The following PTPRK variants were observed in gnomAD, a reference collection of about 807,000 sequenced individuals.
PTPRK encodes the protein protein tyrosine phosphatase receptor type K.
A neutral mutation model predicts 178.0 loss-of-function variants in PTPRK; 75 were observed. That is an observed-to-expected ratio of 0.42 (90% CI 0.35 to 0.51). The LOEUF (loss-of-function observed/expected upper bound fraction) is 0.51, where lower values mean the gene tolerates loss of function less well. Ranked by LOEUF, PTPRK falls within the 20% of genes least tolerant of loss-of-function variation. The probability of loss-of-function intolerance (pLI) is 0.02; values close to 1 mark genes in which losing one functional copy is unlikely to be tolerated. For missense variants in PTPRK, 1,441 were observed against 1,797.8 expected (o/e 0.80, Z 3.59); for synonymous variants, 637 against 620.6 (o/e 1.03, Z -0.39).
chr6:128,261,260 A>C (rs1818133511), intron 3 of PTPRK, among the ~76,000 whole-genome samples: 1 of 152,202 alleles, frequency 6.6e-6, no homozygotes, highest in Non-Finnish European at 1.5e-5. Flanking sequence ...GTAAAAGCAG[A>C]AATCAATACT....
At chr6:128,080,249 C>A (rs937611054) in intron 10 of PTPRK, among the ~76,000 whole-genome samples, 1 of 151,932 alleles carries the variant, frequency 6.6e-6, no homozygotes, top group East Asian at 1.9e-4. Context: ...GTGCCGGGAA[C>A]TTTGGGCTCA....
At chr6:128,431,738 C>G (rs1251968684) in intron 1 of PTPRK, among the ~76,000 whole-genome samples, 4 of 152,098 alleles carry the variant, frequency 2.6e-5, no homozygotes, top group Non-Finnish European at 5.9e-5. Context: ...TAAGCGCATC[C>G]AACGCAATAA....
At chr6:128,235,738 T>C (rs562942133) in intron 5 of PTPRK, 8 of 347,682 alleles carry the variant, frequency 2.3e-5, no homozygotes, top group South Asian at 1.6e-4. Flanking sequence ...ATCCCAACCA[T>C]CAAAATCGTC....
At chr6:128,382,878 T>C (rs1584459201) in intron 2 of PTPRK, among the ~76,000 whole-genome samples, 1 of 152,338 alleles carries the variant, frequency 6.6e-6, no homozygotes, top group Middle Eastern at 3.4e-3. Context: ...TTTGTACCAC[T>C]GCTACTGGTT....
chr6:128,499,504 T>C (rs572466207), intron 1 of PTPRK, among the ~76,000 whole-genome samples: 31 of 152,356 alleles, frequency 2.0e-4, no homozygotes, highest in African/African-American at 7.2e-4. Context: ...ACAGGCTATA[T>C]AAGTTAAATT....
chr6:128,296,132 C>G lies in PTPRK; in HGVS notation c.495+25907G>C, dbSNP rs148760015. The stretch of plus-strand genomic sequence containing the variant: ...CCCTCCCTGTCTTAACCTCCTTCTC[C>G]TCTTTCTCCTCTCCCCTTCTTGCTC... On this transcript the variant is annotated intron_variant, in intron 3 of 29. Coordinates refer to ENST00000368226, the MANE Select transcript of PTPRK (RefSeq NM_002844.4). Among the ~76,000 whole-genome samples, 1,409 of 152,176 alleles carry G rather than the reference C, an allele frequency of 9.3e-3. 6 individuals carry two copies. Among genetic ancestry groups the G allele is most frequent in the Middle Eastern group, 0.027 (8 of 294 alleles).
chr6:128,486,133 A>G (rs935954575), intron 1 of PTPRK, among the ~76,000 whole-genome samples: 15 of 152,196 alleles, frequency 9.9e-5, no homozygotes, highest in Non-Finnish European at 1.6e-4. Flanking sequence ...CCAAAAATGC[A>G]CAAAATTCTG....
intron 1 of PTPRK, among the ~76,000 whole-genome samples, chr6:128,450,025 T>G (rs977010028): frequency 6.6e-6 from 1 of 151,546 alleles, no homozygotes; most frequent in African/African-American, 2.4e-5. Flanking sequence ...CCAGAATCAC[T>G]TGAACCCAGG....
chr6:128,465,989 A>G (rs570689015), intron 1 of PTPRK, among the ~76,000 whole-genome samples: 5 of 152,196 alleles, frequency 3.3e-5, no homozygotes, highest in Non-Finnish European at 7.3e-5. Context: ...AAATTTCAAG[A>G]CAGTAATAAC....
At chr6:128,250,125 G>C (rs1816222652) in intron 3 of PTPRK, among the ~76,000 whole-genome samples, 1 of 152,142 alleles carries the variant, frequency 6.6e-6, no homozygotes, top group Admixed American at 6.5e-5. Flanking sequence ...CTTCCACCAT[G>C]ATTATGAGGC....
At chr6:128,157,659 T>G (rs920777574) in intron 7 of PTPRK, among the ~76,000 whole-genome samples, 15 of 151,910 alleles carry the variant, frequency 9.9e-5, no homozygotes, top group African/African-American at 2.4e-4. Flanking sequence ...GTATCTCATT[T>G]TGGTTTTGAT....
chr6:128,080,971 C>T (rs1000013842), intron 10 of PTPRK, among the ~76,000 whole-genome samples: 94 of 151,928 alleles, frequency 6.2e-4, no homozygotes, highest in African/African-American at 2.2e-3. Flanking sequence ...TTTTTATAAA[C>T]TTTATGTTCA....
At chr6:128,199,720 A>ACAT (rs1223757778) in intron 6 of PTPRK, among the ~76,000 whole-genome samples, 5 of 152,170 alleles carry the variant, frequency 3.3e-5, no homozygotes, top group Non-Finnish European at 7.3e-5. Flanking sequence ...CCTGAGATTT[A>ACAT]ACATTTAAAG....
rs975350440 is a variant in PTPRK, at chr6:128,031,301, G to A, written c.2195-22033C>T. Among the ~76,000 whole-genome samples the A allele has an allele frequency of 5.3e-5, 8 of 152,108 alleles. No homozygotes were observed. In the East Asian group the frequency reaches 5.8e-4, roughly 11 times the overall value. ...CTGCTTTGTAGAACCCAGGTCATCC[G>A]ACACCAAGCTTGGTACATTTTCTTT... is the stretch of plus-strand genomic sequence containing the variant. On this transcript the variant is annotated intron_variant, in intron 13 of 29. Transcript: ENST00000368226.
chr6:128,322,975 T>C (rs569420849), intron 2 of PTPRK, among the ~76,000 whole-genome samples: 2 of 152,184 alleles, frequency 1.3e-5, no homozygotes, highest in South Asian at 2.1e-4. Flanking sequence ...ATTTCCCCAC[T>C]TGGAGTCTCA....
Position 128,171,611 on chromosome 6 carries a change from A to G in PTPRK, c.1162+12821T>C, listed in dbSNP as rs1303750001. 2.6e-5 allele frequency among the ~76,000 whole-genome samples: 4 copies of G among 152,110 alleles called. No homozygotes were observed. In the East Asian group the frequency reaches 7.7e-4, roughly 29 times the overall value. On this transcript the variant is annotated intron_variant, in intron 7 of 29. Transcript: ENST00000368226. ...TTACTAGTCCCATGAAAATTAAACT[A>G]TTATGTACTGTTTGTAATAAGGGAG...
chr6:128,021,500 G>A (rs938467200), intron 13 of PTPRK, among the ~76,000 whole-genome samples: 4 of 152,170 alleles, frequency 2.6e-5, no homozygotes, highest in African/African-American at 9.7e-5. Context: ...GCCGGGCGTG[G>A]TGGTGGGCGC....
At chr6:128,064,703 AT>A in intron 13 of PTPRK, 54 bp downstream of exon 13, 1 of 1,552,370 alleles carries the variant, frequency 6.4e-7, no homozygotes. Flanking sequence ...AAGTCCTTCC[AT>A]TTTAGAAAGG....
At chr6:128,104,296 G>C (rs145190060) in intron 7 of PTPRK, among the ~76,000 whole-genome samples, 6 of 152,108 alleles carry the variant, frequency 3.9e-5, no homozygotes, top group East Asian at 1.9e-4. Context: ...GTGCGATCTC[G>C]GCTCACTGCA....
Sources: gnomAD v4.1 joint callset for allele counts (sites outside exome capture counted in the v4.1 genomes callset) on GRCh38, gnomAD v4.1.1 for gene constraint, MANE v1.5 for transcripts, NCBI Gene and HGNC (gene_info 2026-07-23, HGNC 2026-07-21) for gene names.